FNDC3A: variants seen among roughly 807,000 people sequenced by gnomAD.
FNDC3A encodes fibronectin type III domain containing 3A.
In FNDC3A, 32 loss-of-function variants were observed where a neutral mutation model predicts 148.9. The ratio of observed to expected loss-of-function variants is 0.21; its 90% CI spans 0.16 to 0.29. The LOEUF (loss-of-function observed/expected upper bound fraction) is 0.29, where lower values mean the gene tolerates loss of function less well. Ranked by LOEUF, FNDC3A falls within the 10% of genes least tolerant of loss-of-function variation. FNDC3A has a pLI of 1.00. For missense variants in FNDC3A, 1,191 were observed against 1,452.8 expected, an observed-to-expected ratio of 0.82 and a Z score of 2.93; for synonymous variants, 472 against 473.6, an observed-to-expected ratio of 1.00 and a Z score of 0.04.
intron 2 of FNDC3A, among the ~76,000 whole-genome samples, chr13:49,042,476 C>G (rs1409866639): frequency 1.3e-5 from 2 of 152,046 alleles, no homozygotes; most frequent in African/African-American, 4.8e-5. Context: ...GAGTTGGACA[C>G]TTAACATACT....
chr13:49,187,674 G>A (rs1186189258), intron 16 of FNDC3A: 79 of 1,579,306 alleles, frequency 5.0e-5, no homozygotes, highest in Non-Finnish European at 6.1e-5. Flanking sequence ...CCAACGTAGC[G>A]CTGCTGGAAG....
Position 49,181,668 on chromosome 13 carries a change from A to G in FNDC3A, c.1617+3014A>G, listed in dbSNP as rs181073942. On this transcript the variant is annotated intron_variant, in intron 14 of 25. Transcript: ENST00000492622. ...GTGTCTTGGTCTTCCTTTTCTAGCT[A>G]GATATTGCAGATTCTTTCAAACAGT... Among the ~76,000 whole-genome samples, 5 of 152,316 alleles carry G rather than the reference A, an allele frequency of 3.3e-5. No individual in the cohort carries two copies. In the East Asian group the frequency reaches 9.6e-4, roughly 29 times the overall value.
At chr13:48,992,387 C>T (rs909912877) in intron 1 of FNDC3A, among the ~76,000 whole-genome samples, 2 of 152,120 alleles carry the variant, frequency 1.3e-5, no homozygotes, top group Non-Finnish European at 2.9e-5. Context: ...ATTTGTAAAT[C>T]ACTTATCTGG....
At chr13:49,163,224 C>T (rs938229907) in intron 8 of FNDC3A, among the ~76,000 whole-genome samples, 1 of 152,218 alleles carries the variant, frequency 6.6e-6, no homozygotes. Context: ...TTCAGCTATG[C>T]CTTGCCTCCA....
intron 2 of FNDC3A, among the ~76,000 whole-genome samples, chr13:49,050,732 C>T (rs1247175300): frequency 6.6e-6 from 1 of 152,162 alleles, no homozygotes; most frequent in Non-Finnish European, 1.5e-5. Flanking sequence ...CTAATGCTGT[C>T]AGTGGAGTAT....
intron 4 of FNDC3A, 56 bp downstream of exon 4, chr13:49,114,787 C>G: frequency 8.5e-7 from 1 of 1,170,882 alleles, no homozygotes; most frequent in Non-Finnish European, 1.3e-6. Flanking sequence ...TAATGTTATT[C>G]TCTTTGACTT....
chr13:49,076,464 T>C (rs9568149), intron 3 of FNDC3A, among the ~76,000 whole-genome samples: 4,392 of 151,896 alleles, frequency 0.029, 85 homozygotes, highest in South Asian at 0.053. Context: ...AGGCTGGTCT[T>C]GAATTCCTGA....
chr13:49,091,816 C>T (rs1309882509), intron 3 of FNDC3A, among the ~76,000 whole-genome samples: 1 of 152,206 alleles, frequency 6.6e-6, no homozygotes, highest in African/African-American at 2.4e-5. Flanking sequence ...GCCTGCAAGA[C>T]CTGCTCAAGC....
At chr13:49,044,474 A>G (rs1346034795) in intron 2 of FNDC3A, 1 of 158,708 alleles carries the variant, frequency 6.3e-6, no homozygotes, top group East Asian at 1.9e-4. Flanking sequence ...GTTTGAGACC[A>G]GCCTGACCAA....
At chr13:49,098,467 T>C (rs1173645914) in intron 3 of FNDC3A, among the ~76,000 whole-genome samples, 1 of 152,254 alleles carries the variant, frequency 6.6e-6, no homozygotes, top group Admixed American at 6.5e-5. Flanking sequence ...ATTGTTCATA[T>C]TAGGCTGATA....
intron 8 of FNDC3A, among the ~76,000 whole-genome samples, chr13:49,160,987 G>A (rs1162780761): frequency 6.6e-6 from 1 of 152,176 alleles, no homozygotes; most frequent in Non-Finnish European, 1.5e-5. Context: ...CTGAGAGACA[G>A]TTTGTTATAA....
At chr13:49,074,717 T>C (rs3012130) in intron 2 of FNDC3A, among the ~76,000 whole-genome samples, 149,776 of 152,294 alleles carry the variant, frequency 0.98, 73,678 homozygotes, top group South Asian at 1. Context: ...AGAAGTTTAT[T>C]AGAATGTTAA....
chr13:48,999,008 C>T (rs1385018643), intron 1 of FNDC3A, among the ~76,000 whole-genome samples: 3 of 152,202 alleles, frequency 2.0e-5, no homozygotes, highest in Admixed American at 6.5e-5. Flanking sequence ...AGGGCTGCTA[C>T]GCCCACTACA....
rs374518698 is a variant in FNDC3A, at chr13:49,053,070, A to G, written c.100-22219A>G. On this transcript the variant is annotated intron_variant, in intron 2 of 25. Coordinates refer to ENST00000492622, the MANE Select transcript of FNDC3A (RefSeq NM_001079673.2). ...AGTCCTGAAGGCCAGTCTCATTCCA[A>G]CTGTAACTCCCCAACAGCACCGAGT... 9.8e-4 allele frequency among the ~76,000 whole-genome samples: 149 copies of G among 152,256 alleles called. 1 individual carries two copies. Among genetic ancestry groups the G allele is most frequent in the African/African-American group, 3.4e-3 (143 of 41,546 alleles).
intron 2 of FNDC3A, among the ~76,000 whole-genome samples, chr13:49,008,963 T>G (rs1952280431): frequency 1.3e-5 from 2 of 152,186 alleles, no homozygotes; most frequent in Admixed American, 1.3e-4. Flanking sequence ...TTTGTTACAA[T>G]TAATGAACCA....
intron 3 of FNDC3A, among the ~76,000 whole-genome samples, chr13:49,102,844 T>C (rs922187053): frequency 1.3e-5 from 2 of 152,232 alleles, no homozygotes; most frequent in Non-Finnish European, 2.9e-5. Flanking sequence ...AAAATGTACC[T>C]GCTTATTTTT....
At chr13:49,172,491 C>T (rs1164487795) in intron 11 of FNDC3A, among the ~76,000 whole-genome samples, 2 of 152,130 alleles carry the variant, frequency 1.3e-5, no homozygotes, top group African/African-American at 4.8e-5. Context: ...ATCAAGGTGT[C>T]AGCATGGCCA....
intron 25 of FNDC3A, 129 bp from the exon 26 acceptor site, chr13:49,206,952 C>A (rs1273118884): frequency 4.6e-6 from 3 of 654,216 alleles, no homozygotes; most frequent in Non-Finnish European, 7.9e-6. Context: ...TTTAACATGT[C>A]ATTTAAAAGA....
chr13:49,004,209 T>C (rs1952179174), intron 1 of FNDC3A, among the ~76,000 whole-genome samples: 1 of 152,052 alleles, frequency 6.6e-6, no homozygotes, highest in South Asian at 2.1e-4. Context: ...AAACTAGAAG[T>C]AATTTATTGA....
Sources: allele counts gnomAD v4.1 joint callset (sites outside exome capture counted in the v4.1 genomes callset), GRCh38; gene constraint gnomAD v4.1.1; transcripts MANE v1.5; gene names NCBI Gene and HGNC (gene_info 2026-07-23, HGNC 2026-07-21).